The following SLC25A10 variants were observed in gnomAD, a reference collection of about 807,000 sequenced individuals.
The protein encoded by SLC25A10 is solute carrier family 25 member 10.
SLC25A10 carries 32 observed loss-of-function variants against 40.4 expected under a neutral mutation model. The ratio of observed to expected loss-of-function variants is 0.79; its 90% CI spans 0.60 to 1.06. The LOEUF (loss-of-function observed/expected upper bound fraction) is 1.06. Among genes scored for constraint, SLC25A10 ranks in the 50% least tolerant of loss-of-function variants. The pLI is 0.00. For missense variants in SLC25A10, 394 were observed against 402.6 expected, an observed-to-expected ratio of 0.98 and a Z score of 0.18; for synonymous variants, 181 against 171.1, an observed-to-expected ratio of 1.06 and a Z score of -0.45.
intron 9 of SLC25A10, among the ~76,000 whole-genome samples, 169 bp from the exon 10 acceptor site, chr17:81,719,662 T>TGTGGTCACCTGTTACCAGCCA (rs1433026008): frequency 1.3e-5 from 2 of 152,166 alleles, no homozygotes; most frequent in Non-Finnish European, 2.9e-5. Context: ...CCTGCAGACC[T>TGTGGTCACCTGTTACCAGCCA]GTGGTCACCT....
chr17:81,719,800 C>A (rs1422409623), intron 9 of SLC25A10, 31 bp from the exon 10 acceptor site: 8 of 1,611,726 alleles, frequency 5.0e-6, no homozygotes, highest in Non-Finnish European at 6.8e-6. Flanking sequence ...GAGAAGCAGC[C>A]TTTTTGATTG....
intron 1 of SLC25A10, among the ~76,000 whole-genome samples, chr17:81,714,065 C>G (rs1202040791): frequency 6.6e-6 from 1 of 152,220 alleles, no homozygotes; most frequent in African/African-American, 2.4e-5. Context: ...TGGCCCAGTC[C>G]CTCTGTTCTG....
chr17:81,719,938 C>T (rs749394144), intron 10 of SLC25A10, 38 bp from the exon 11 acceptor site: 195 of 1,613,498 alleles, frequency 1.2e-4, no homozygotes, highest in Non-Finnish European at 1.5e-4. Context: ...CGGGCCCCTT[C>T]GGGCTCTGTG....
rs62077222 is a variant in SLC25A10, at chr17:81,720,706, G to A, written c.*629G>A. Reference sequence around the variant, plus strand: ...GAGGGTCGAGGGCCACCGAGGTCCCGCGCACCGCTGCCTGCCCTGCAGTGG... The same window carrying A: ...GAGGGTCGAGGGCCACCGAGGTCCCACGCACCGCTGCCTGCCCTGCAGTGG... On this transcript the variant is annotated 3_prime_UTR_variant, in exon 11 of 11. Coordinates refer to ENST00000350690, the MANE Select transcript of SLC25A10 (RefSeq NM_012140.5). 2.9e-5 allele frequency: 12 copies of A among 413,300 alleles called. No individual in the cohort carries two copies. The highest frequency in any genetic ancestry group is 2.5e-4 in the East Asian group (7 of 27,916). The allele number at this position is 413,300 out of a possible 1,614,324, so 25.6% of individuals were successfully genotyped here.
In SLC25A10 at chr17:81,720,128, A is replaced by C. The variant is rs747327891; in HGVS notation, c.*51A>C. The C allele has an allele frequency of 6.2e-7, 1 of 1,604,564 alleles. No homozygotes were observed. The highest frequency in any genetic ancestry group is 2.2e-5 in the East Asian group (1 of 44,826). On this transcript the variant is annotated 3_prime_UTR_variant, in exon 11 of 11. Transcript: ENST00000350690. Reference sequence around the variant, plus strand: ...CAGGCCAGACACGCTAGGTTCTTCCAAAGAGTCCCAAGCCCAGCACCTGCT... The same window carrying C: ...CAGGCCAGACACGCTAGGTTCTTCCCAAGAGTCCCAAGCCCAGCACCTGCT...
chr17:81,715,490 C>G lies in SLC25A10; in HGVS notation c.226C>G (p.Leu76Val), dbSNP rs1474573659. 3.1e-6 allele frequency: 5 copies of G among 1,612,544 alleles called. No individual in the cohort carries two copies. The African/African-American group carries it at 6.7e-5, about 22-fold the overall frequency. The stretch of plus-strand genomic sequence containing the variant: ...CCTTCTCCCCCAGATGACCTACTCC[C>G]TGACTCGGTTCGCCATCTACGAGAC... ...ASLCRQMTYSLTRFAIYETVR... is the reference protein window; with the variant it reads ...ASLCRQMTYSVTRFAIYETVR... The change falls in exon 3 of 11, where the codon CTG (leucine) becomes GTG (valine). Residue 76 changes from leucine to valine, a missense_variant. By Grantham distance (32) the Leu-to-Val change is conservative. Transcript: ENST00000350690.
chr17:81,716,215 C>T (rs2037483405), intron 5 of SLC25A10, among the ~76,000 whole-genome samples, 165 bp downstream of exon 5: 1 of 152,220 alleles, frequency 6.6e-6, no homozygotes, highest in Non-Finnish European at 1.5e-5. Context: ...GGGTGTCACT[C>T]TGCGCCCCCA....
At chr17:81,713,026 G>T (rs979038145) in intron 1 of SLC25A10, among the ~76,000 whole-genome samples, 1 of 152,170 alleles carries the variant, frequency 6.6e-6, no homozygotes, top group Non-Finnish European at 1.5e-5. Flanking sequence ...GGGCAAGTGG[G>T]GTGACCCGAT....
chr17:81,715,716 A>T lies in SLC25A10; in HGVS notation c.352A>T (p.Thr118Ser). The T allele has an allele frequency of 6.2e-7, 1 of 1,613,162 alleles. No individual in the cohort carries two copies. The highest frequency in any genetic ancestry group is 1.6e-4 in the Middle Eastern group (1 of 6,062). The change falls in exon 4 of 11, where the codon ACG (threonine) becomes TCG (serine). Residue 118 changes from threonine to serine, a missense_variant. Coordinates refer to ENST00000350690, the MANE Select transcript of SLC25A10 (RefSeq NM_012140.5). The stretch of plus-strand genomic sequence containing the variant: ...AGGTTTAGCTGGAGGCTTCGTGGGG[A>T]CGCCCGCAGACTTGGTCAACGTCAG... ...VSGLAGGFVG[T>S]PADLVNVRMQ...
At position 81,712,394 on chromosome 17, in the gene SLC25A10, T is replaced by C. The variant is rs1448262036; in HGVS notation, c.-33T>C. On this transcript the variant is annotated 5_prime_UTR_variant, in exon 1 of 11. Coordinates refer to ENST00000350690, the MANE Select transcript of SLC25A10 (RefSeq NM_012140.5). ...CGCCGGGGTAGGGCCGGGGTCGGGT[T>C]GTGGTCGGGCCGGGATTGGGCTCTC... is the stretch of plus-strand genomic sequence containing the variant. The C allele has an allele frequency of 1.6e-6, 2 of 1,232,564 alleles. No individual in the cohort carries two copies. The highest frequency in any genetic ancestry group is 1.6e-5 in the African/African-American group (1 of 62,966). The allele number at this position is 1,232,564 out of a possible 1,614,324, so 76.4% of individuals were successfully genotyped here.
At position 81,712,328 on chromosome 17, in the gene SLC25A10, C is replaced by CGGGCGCGGGGCGCG. The variant is rs543299664; in HGVS notation, c.-85_-72dup. 4.5e-5 allele frequency: 38 copies of CGGGCGCGGGGCGCG among 847,670 alleles called. No individual in the cohort carries two copies. Among genetic ancestry groups the CGGGCGCGGGGCGCG allele is most frequent in the African/African-American group, 7.2e-5 (4 of 55,200 alleles). The allele number at this position is 847,670 out of a possible 1,614,324, so 52.5% of individuals were successfully genotyped here. A position where few individuals can be genotyped will look rare whatever the true frequency, so the allele number is the denominator to read the frequency against. On this transcript the variant is annotated 5_prime_UTR_variant, in exon 1 of 11. Coordinates refer to ENST00000350690, the MANE Select transcript of SLC25A10 (RefSeq NM_012140.5). ...CGGGCGCGCGGGCGGCGCTTTGAAC[C>CGGGCGCGGGGCGCG]GGGCGCGGGGCGCGGGGCGCGGGGC...
chr17:81,717,223 G>A, intron 7 of SLC25A10, 151 bp downstream of exon 7: 2 of 1,059,298 alleles, frequency 1.9e-6, no homozygotes, highest in Non-Finnish European at 2.8e-6. Context: ...GGCACGGGTG[G>A]GTCAGGGCTG....
Position 81,715,670 on chromosome 17 carries a change from C to T in SLC25A10, c.329-23C>T, listed in dbSNP as rs191277084. On this transcript the variant is annotated intron_variant, in intron 3 of 10. Transcript: ENST00000350690. The stretch of plus-strand genomic sequence containing the variant: ...GACGCCGTGTGTCAGCACGGCTCAT[C>T]TCTGGGGTTTGTGTCACCGCAGGTT... 599 of 1,613,266 alleles carry T rather than the reference C, an allele frequency of 3.7e-4. 1 individual carries two copies. The African/African-American group carries it at 7.2e-3, about 19-fold the overall frequency.
In SLC25A10 at chr17:81,720,444, T is replaced by C. The variant is rs2037570473; in HGVS notation, c.*367T>C. 1.5e-6 allele frequency: 2 copies of C among 1,346,116 alleles called. No individual in the cohort carries two copies. The highest frequency in any genetic ancestry group is 1.9e-6 in the Non-Finnish European group (2 of 1,055,078). The allele number at this position is 1,346,116 out of a possible 1,614,324, so 83.4% of individuals were successfully genotyped here. ...TGCCCCCGATGCCCAAAGCAGCATC[T>C]TCCAGCACTTTCCATCGAGGACTTG... On this transcript the variant is annotated 3_prime_UTR_variant, in exon 11 of 11. Transcript: ENST00000350690.
rs2037571674 is a variant in SLC25A10 at position 81,720,506 on chromosome 17, C to T, written c.*429C>T. 3 of 1,314,502 alleles carry T rather than the reference C, an allele frequency of 2.3e-6. No homozygotes were observed. The highest frequency in any genetic ancestry group is 2.9e-6 in the Non-Finnish European group (3 of 1,037,044). 81.4% of individuals were successfully genotyped at this position (1,314,502 alleles called of 1,614,324 possible). A position where few individuals can be genotyped will look rare whatever the true frequency, so the allele number is the denominator to read the frequency against. Reference sequence around the variant, plus strand: ...GTGGGTGCAGCCTGGCTGTTGCTCACCCAAGTGCTAGCTCTGCACTTCGTG... The same window carrying T: ...GTGGGTGCAGCCTGGCTGTTGCTCATCCAAGTGCTAGCTCTGCACTTCGTG... On this transcript the variant is annotated 3_prime_UTR_variant, in exon 11 of 11. Transcript: ENST00000350690.
At chr17:81,713,438 A>G in intron 1 of SLC25A10, 1 of 985,340 alleles carries the variant, frequency 1.0e-6, no homozygotes, top group Non-Finnish European at 1.2e-6. Context: ...GGGGACTTGT[A>G]TTCCAGCAGC....
In SLC25A10 at chr17:81,720,278, G is replaced by A. The variant is rs2037566851; in HGVS notation, c.*201G>A. 8 of 1,438,032 alleles carry A rather than the reference G, an allele frequency of 5.6e-6. No homozygotes were observed. The South Asian group carries it at 5.9e-5, about 11-fold the overall frequency. 89.1% of individuals were successfully genotyped at this position (1,438,032 alleles called of 1,614,324 possible). The stretch of plus-strand genomic sequence containing the variant: ...TCTCAGCTGTAGCTGCACCACCCCC[G>A]CTCTGGCTACCAGGCTCTCCCGGCT... On this transcript the variant is annotated 3_prime_UTR_variant, in exon 11 of 11. Transcript: ENST00000350690.
rs776645269 is a variant in SLC25A10 at position 81,716,097 on chromosome 17, C to G, written c.419+47C>G. On this transcript the variant is annotated intron_variant, in intron 5 of 10. Transcript: ENST00000350690. ...CGGGGTGGTTGAGGTGCAGGAGGCTCGGGCGGGAGCGGACCCCTGGCTGCT... is the reference window on the plus strand; with the variant it reads ...CGGGGTGGTTGAGGTGCAGGAGGCTGGGGCGGGAGCGGACCCCTGGCTGCT... 1.7e-5 allele frequency: 27 copies of G among 1,556,408 alleles called. No individual in the cohort carries two copies. In the South Asian group the frequency reaches 2.2e-4, roughly 13 times the overall value.
intron 8 of SLC25A10, 28 bp downstream of exon 8, chr17:81,717,519 C>T (rs901879126): frequency 2.2e-5 from 36 of 1,610,616 alleles, no homozygotes; most frequent in Middle Eastern, 1.6e-4. Context: ...CTAGGGTGGG[C>T]GTCCCTGGGC....
Sources: allele counts gnomAD v4.1 joint callset (sites outside exome capture counted in the v4.1 genomes callset), GRCh38; gene constraint gnomAD v4.1.1; transcripts MANE v1.5; gene names NCBI Gene and HGNC (gene_info 2026-07-23, HGNC 2026-07-21).